The following MMP14 variants were observed in gnomAD, a reference collection of about 807,000 sequenced individuals.
MMP14 encodes the protein matrix metallopeptidase 14, also known as matrix metalloproteinase-14.
A neutral mutation model predicts 64.8 loss-of-function variants in MMP14; 13 were observed. The observed-to-expected ratio is 0.20, with a 90% CI of 0.13 to 0.32. MMP14 has a LOEUF of 0.32. MMP14 is among the 10% of genes least tolerant of loss of function. The pLI is 1.00. For missense variants in MMP14, 594 were observed against 783.8 expected, an observed-to-expected ratio of 0.76 and a Z score of 2.89; for synonymous variants, 322 against 315.9, an observed-to-expected ratio of 1.02 and a Z score of -0.20.
At position 22,846,952 on chromosome 14, in the gene MMP14, G is replaced by C. The variant is rs2039819081; in HGVS notation, c.*913G>C. ...GAGGCCCAAAGGCAGAACAGCCAGA[G>C]GGGGCAGGAGGGGACCAAAAAGGAA... On this transcript the variant is annotated 3_prime_UTR_variant, in exon 10 of 10. Coordinates refer to ENST00000311852, the MANE Select transcript of MMP14 (RefSeq NM_004995.4). The C allele has an allele frequency of 6.6e-6, 1 of 152,650 alleles. No homozygotes were observed. Among genetic ancestry groups the C allele is most frequent in the Non-Finnish European group, 1.5e-5 (1 of 68,338 alleles). 9.5% of individuals were successfully genotyped at this position (152,650 alleles called of 1,614,324 possible).
chr14:22,844,249 G>C, intron 6 of MMP14, 122 bp from the exon 7 acceptor site: 1 of 1,418,006 alleles, frequency 7.1e-7, no homozygotes, highest in Non-Finnish European at 9.6e-7. Flanking sequence ...GGGTGGAAGT[G>C]ACAACAGCTG....
rs1363973338 is a variant in MMP14 at position 22,836,665 on chromosome 14, A to C, written c.-153A>C. On this transcript the variant is annotated 5_prime_UTR_variant, in exon 1 of 10. Transcript: ENST00000311852. ...AGAGCAAACAGGCACTTTGAGGAAC[A>C]ATCCCCTTTAACTCCAAGCCGACAG... The C allele has an allele frequency of 3.8e-6, 2 of 528,502 alleles. No homozygotes were observed. Among genetic ancestry groups the C allele is most frequent in the African/African-American group, 4.0e-5 (2 of 50,410 alleles). 32.7% of individuals were successfully genotyped at this position (528,502 alleles called of 1,614,324 possible). A position where few individuals can be genotyped will look rare whatever the true frequency, so the allele number is the denominator to read the frequency against.
chr14:22,842,552 G>A lies in MMP14; in HGVS notation c.523G>A (p.Ala175Thr). 1 of 1,614,170 alleles carries A rather than the reference G, an allele frequency of 6.2e-7. No individual in the cohort carries two copies. Among genetic ancestry groups the A allele is most frequent in the Non-Finnish European group, 8.5e-7 (1 of 1,180,020 alleles). Residue 175 changes from alanine to threonine, a missense_variant, in exon 4 of 10, where the codon GCC (alanine) becomes ACC (threonine). Transcript: ENST00000311852. This position sits in a 1 kb window ranked among gnomAD's most constrained non-coding sequence, Gnocchi z 5.3. The part of the protein sequence containing the change: ...AYIREGHEKQ[A>T]DIMIFFAEGF... ...CATCCGTGAGGGCCATGAGAAGCAG[G>A]CCGACATCATGATCTTCTTTGCCGA... is the stretch of plus-strand genomic sequence containing the variant.
rs1431776595 is a variant in MMP14, at chr14:22,846,209, C to T, written c.*170C>T. ...TCCTTCACCCTGACCGCCTCCCTCC[C>T]TCCTGCCCCGGCATTGCATCTTCCC... On this transcript the variant is annotated 3_prime_UTR_variant, in exon 10 of 10. Coordinates refer to ENST00000311852, the MANE Select transcript of MMP14 (RefSeq NM_004995.4). 1 of 649,820 alleles carries T rather than the reference C, an allele frequency of 1.5e-6. No homozygotes were observed. Among genetic ancestry groups the T allele is most frequent in the Non-Finnish European group, 2.6e-6 (1 of 389,098 alleles). The allele number at this position is 649,820 out of a possible 1,614,324, so 40.3% of individuals were successfully genotyped here. A position where few individuals can be genotyped will look rare whatever the true frequency, so the allele number is the denominator to read the frequency against.
In MMP14 at chr14:22,844,350, C is replaced by T. The variant is rs748299461; in HGVS notation, c.1012-21C>T. 4 of 1,613,842 alleles carry T rather than the reference C, an allele frequency of 2.5e-6. 1 individual carries two copies. The Admixed American group carries it at 6.7e-5, about 27-fold the overall frequency. On this transcript the variant is annotated intron_variant, in intron 6 of 9. Transcript: ENST00000311852. ...AGGCCGCAAGACATAATGGACTTTT[C>T]CTGCATTGACCGGCTTCCAGGAGCG...
intron 2 of MMP14, 27 bp from the exon 3 acceptor site, chr14:22,841,886 C>A: frequency 6.2e-7 from 1 of 1,614,052 alleles, no homozygotes; most frequent in Non-Finnish European, 8.5e-7. Flanking sequence ...GCACTGATCC[C>A]AATCCTCGCA....
At chr14:22,837,848 C>CCT (rs1433157890) in intron 1 of MMP14, among the ~76,000 whole-genome samples, 2 of 151,876 alleles carry the variant, frequency 1.3e-5, no homozygotes, top group South Asian at 4.2e-4. Flanking sequence ...GGAGGTTTTT[C>CCT]CTCTCTCTCT....
At chr14:22,844,819 A>AACC (rs1430463913) in intron 8 of MMP14, 39 bp downstream of exon 8, 6 of 1,611,784 alleles carry the variant, frequency 3.7e-6, no homozygotes, top group Admixed American at 1.7e-5. Context: ...CTCCCTCAGA[A>AACC]ACCACCACCA....
chr14:22,843,969 G>C lies in MMP14; in HGVS notation c.1011+99G>C. The C allele has an allele frequency of 6.8e-7, 1 of 1,466,740 alleles. No individual in the cohort carries two copies. Among genetic ancestry groups the C allele is most frequent in the Non-Finnish European group, 9.3e-7 (1 of 1,077,144 alleles). The allele number at this position is 1,466,740 out of a possible 1,614,324, so 90.9% of individuals were successfully genotyped here. ...CTAGCACTTTGAGAGGCCAAGGCAG[G>C]TGGATCACCTGAGGTCTGGAGTTCG... On this transcript the variant is annotated intron_variant, in intron 6 of 9. Coordinates refer to ENST00000311852, the MANE Select transcript of MMP14 (RefSeq NM_004995.4). The surrounding 1 kb of genome is among the most constrained non-coding windows in gnomAD (Gnocchi z 4.8).
Position 22,842,189 on chromosome 14 carries a change from A to AT in MMP14, c.380+154_380+155insT. ...GAGGAAAATGGCTCTCATCCTTGAG[A>AT]GAGGTGTAGCCATCAAGGGTGCACC... On this transcript the variant is annotated intron_variant, in intron 3 of 9. Coordinates refer to ENST00000311852, the MANE Select transcript of MMP14 (RefSeq NM_004995.4). This position sits in a 1 kb window ranked among gnomAD's most constrained non-coding sequence, Gnocchi z 5.3. The AT allele has an allele frequency of 8.7e-7, 1 of 1,150,660 alleles. No homozygotes were observed. The highest frequency in any genetic ancestry group is 1.2e-6 in the Non-Finnish European group (1 of 808,096). The allele number at this position is 1,150,660 out of a possible 1,614,324, so 71.3% of individuals were successfully genotyped here.
chr14:22,844,773 G>C lies in MMP14; in HGVS notation c.1294G>C (p.Gly432Arg), dbSNP rs2039800341. The change falls in exon 8 of 10, where the codon GGA becomes CGA. Residue 432 changes from glycine (G) to arginine (R), a missense_variant. By Grantham distance (125) the Gly-to-Arg change is moderately radical (BLOSUM62 -2). Around this residue, in one of 4 missense-constraint regions of MMP14, gnomAD observed 364 missense variants for 425.2 expected, o/e 0.86. Transcript: ENST00000311852. ...MPNGKTYFFR[G>R]NKYYRFNEEL... ...CAATGGAAAGACCTACTTCTTCCGT[G>C]GAAACAAGTAAGACCTCAACCCCTT... 3 of 1,614,046 alleles carry C rather than the reference G, an allele frequency of 1.9e-6. No homozygotes were observed. The highest frequency in any genetic ancestry group is 1.3e-5 in the African/African-American group (1 of 75,002).
chr14:22,846,133 C>A lies in MMP14; in HGVS notation c.*94C>A. 8.2e-7 allele frequency: 1 copy of A among 1,215,908 alleles called. No individual in the cohort carries two copies. Among genetic ancestry groups the A allele is most frequent in the Non-Finnish European group, 1.1e-6 (1 of 900,298 alleles). The allele number at this position is 1,215,908 out of a possible 1,614,324, so 75.3% of individuals were successfully genotyped here. Reference sequence around the variant, plus strand: ...TGGTGGGTGGGCTGTTCCCATCGTCCCGAGCCCCCTCCCCGCAGCCTCCTT... The same window carrying A: ...TGGTGGGTGGGCTGTTCCCATCGTCACGAGCCCCCTCCCCGCAGCCTCCTT... On this transcript the variant is annotated 3_prime_UTR_variant, in exon 10 of 10. Transcript: ENST00000311852.
At position 22,843,980 on chromosome 14, in the gene MMP14, GAGGTCTGGAGTTCGA is replaced by G. The variant is rs2039792879; in HGVS notation, c.1011+111_1011+125del. ...AGAGGCCAAGGCAGGTGGATCACCT[GAGGTCTGGAGTTCGA>G]GAGCAGGCTGGCCAACATAGTGAAA... On this transcript the variant is annotated intron_variant, in intron 6 of 9. Coordinates refer to ENST00000311852, the MANE Select transcript of MMP14 (RefSeq NM_004995.4). This position sits in a 1 kb window ranked among gnomAD's most constrained non-coding sequence, Gnocchi z 4.8. The G allele has an allele frequency of 2.2e-6, 3 of 1,351,740 alleles. No individual in the cohort carries two copies. The African/African-American group carries it at 4.4e-5, about 20-fold the overall frequency. The allele number at this position is 1,351,740 out of a possible 1,614,324, so 83.7% of individuals were successfully genotyped here. A position where few individuals can be genotyped will look rare whatever the true frequency, so the allele number is the denominator to read the frequency against.
At chr14:22,837,649 G>C (rs1431683436) in intron 1 of MMP14, among the ~76,000 whole-genome samples, 1 of 152,258 alleles carries the variant, frequency 6.6e-6, no homozygotes, top group East Asian at 1.9e-4. Context: ...GGCGCCTTCA[G>C]GCCCTTTTTG....
chr14:22,844,865 T>G, intron 8 of MMP14, 85 bp downstream of exon 8: 1 of 1,559,480 alleles, frequency 6.4e-7, no homozygotes, highest in Non-Finnish European at 8.8e-7. Flanking sequence ...AAGACCCACT[T>G]TACCCCCAAC....
rs770742233 is a variant in MMP14 at position 22,845,965 on chromosome 14, GTCT to G, written c.1684_1686del (p.Phe562del). On this transcript the variant is annotated inframe_deletion, in exon 10 of 10. Coordinates refer to ENST00000311852, the MANE Select transcript of MMP14 (RefSeq NM_004995.4). The stretch of plus-strand genomic sequence containing the variant: ...CCTGGTGCTGGCGGTGGGCCTTGCA[GTCT>G]TCTTCTTCAGACGCCATGGGACCCC... The G allele has an allele frequency of 2.4e-5, 38 of 1,578,620 alleles. No individual in the cohort carries two copies. The highest frequency in any genetic ancestry group is 3.1e-5 in the Non-Finnish European group (36 of 1,161,080).
Position 22,841,972 on chromosome 14 carries a change from A to T in MMP14, c.317A>T (p.Asn106Ile). The T allele has an allele frequency of 6.2e-7, 1 of 1,614,246 alleles. No homozygotes were observed. The highest frequency in any genetic ancestry group is 8.5e-7 in the Non-Finnish European group (1 of 1,180,046). ...AAGTTTGGGGCTGAGATCAAGGCCA[A>T]TGTTCGAAGGAAGCGCTACGCCATC... The part of the protein sequence containing the change: ...PDKFGAEIKA[N>I]VRRKRYAIQG... Residue 106 changes from asparagine (N) to isoleucine (I), a missense_variant, in exon 3 of 10, where the codon AAT (asparagine) becomes ATT (isoleucine). Asn to Ile is a moderately radical substitution (Grantham distance 149, BLOSUM62 -3). Around this residue, in one of 4 missense-constraint regions of MMP14, gnomAD observed 179 missense variants for 283.4 expected, o/e 0.63. Coordinates refer to ENST00000311852, the MANE Select transcript of MMP14 (RefSeq NM_004995.4).
intron 1 of MMP14, chr14:22,837,399 C>G (rs1462032203): frequency 4.4e-6 from 2 of 456,214 alleles, no homozygotes; most frequent in Non-Finnish European, 8.8e-6. Context: ...TCGGCCTCCC[C>G]GGGTGGCCCA....
At position 22,842,168 on chromosome 14, in the gene MMP14, A is replaced by C; in HGVS notation, c.380+133A>C. Reference sequence around the variant, plus strand: ...GGAAGCATCCGTGGGAGTGGGGAGGAAAATGGCTCTCATCCTTGAGAGAGG... The same window carrying C: ...GGAAGCATCCGTGGGAGTGGGGAGGCAAATGGCTCTCATCCTTGAGAGAGG... On this transcript the variant is annotated intron_variant, in intron 3 of 9. Transcript: ENST00000311852. This position sits in a 1 kb window ranked among gnomAD's most constrained non-coding sequence, Gnocchi z 5.3. The C allele has an allele frequency of 1.5e-6, 2 of 1,297,560 alleles. No homozygotes were observed. Among genetic ancestry groups the C allele is most frequent in the Non-Finnish European group, 2.2e-6 (2 of 929,206 alleles). 80.4% of individuals were successfully genotyped at this position (1,297,560 alleles called of 1,614,324 possible). A position where few individuals can be genotyped will look rare whatever the true frequency, so the allele number is the denominator to read the frequency against.
Sources: allele counts gnomAD v4.1 joint callset (sites outside exome capture counted in the v4.1 genomes callset), GRCh38; gene constraint gnomAD v4.1.1; regional missense constraint gnomAD v4.1.1; non-coding constraint Gnocchi (gnomAD v3.1); transcripts MANE v1.5; gene names NCBI Gene and HGNC (gene_info 2026-07-23, HGNC 2026-07-21).